POMT2: variants seen among roughly 807,000 people sequenced by gnomAD.
POMT2 encodes protein O-mannosyl-transferase 2.
In POMT2, 75 loss-of-function variants were observed where a neutral mutation model predicts 100.0. The observed-to-expected ratio is 0.75, with a 90% confidence interval of 0.62 to 0.91. POMT2 has a LOEUF of 0.91. POMT2 is among the 40% of genes least tolerant of loss of function. The pLI is 0.00. For missense variants in POMT2, 940 were observed against 955.1 expected (o/e 0.98, Z 0.21); for synonymous variants, 378 against 374.1 (o/e 1.01, Z -0.12).
In POMT2 at chr14:77,320,737, C is replaced by T. The variant is rs567281401; in HGVS notation, c.-56G>A. ...CGGAGGCACACTTTGTCTGACCAGCCGCCCCGCCAAGGAGTCACAAGAGGG... is the reference window on the plus strand; with the variant it reads ...CGGAGGCACACTTTGTCTGACCAGCTGCCCCGCCAAGGAGTCACAAGAGGG... On this transcript the variant is annotated 5_prime_UTR_variant, in exon 1 of 21. Transcript: ENST00000261534. 5,830 of 1,573,688 alleles carry T rather than the reference C, an allele frequency of 3.7e-3. 64 individuals carry two copies. In the African/African-American group the frequency reaches 0.038, roughly 10 times the overall value.
chr14:77,288,066 A>C (rs1297636384), intron 11 of POMT2, among the ~76,000 whole-genome samples: 2 of 152,142 alleles, frequency 1.3e-5, no homozygotes, highest in Non-Finnish European at 2.9e-5. Context: ...TAACTTAATA[A>C]ATTTACCACT....
At chr14:77,279,346 C>T (rs1279668065) in intron 18 of POMT2, 3 of 366,966 alleles carry the variant, frequency 8.2e-6, no homozygotes, top group Non-Finnish European at 1.6e-5. Flanking sequence ...GTCTGGCAGC[C>T]AAAGTTACCA....
Position 77,283,840 on chromosome 14 carries a change from C to G in POMT2, c.1610G>C (p.Ser537Thr). The G allele has an allele frequency of 6.2e-7, 1 of 1,613,402 alleles. No individual in the cohort carries two copies. Among genetic ancestry groups the G allele is most frequent in the Non-Finnish European group, 8.5e-7 (1 of 1,179,316 alleles). ...GGATTCCAGCAAGATCTCAGGAAAA[C>G]TGGGCTGTAGCACATCCAGGCTGAT... is the stretch of plus-strand genomic sequence containing the variant. ...PNISLDVLQP[S>T]FPEILLESHM... The change falls in exon 15 of 21, where the codon AGT (serine) becomes ACT (threonine). Residue 537 changes from serine (S) to threonine (T), a missense_variant. By Grantham distance (58) the Ser-to-Thr change is moderately conservative. Transcript: ENST00000261534.
At chr14:77,304,444 G>A (rs1208852482) in intron 4 of POMT2, among the ~76,000 whole-genome samples, 1 of 152,156 alleles carries the variant, frequency 6.6e-6, no homozygotes, top group Non-Finnish European at 1.5e-5. Flanking sequence ...GAATAACGTG[G>A]AGGTAAATCT....
intron 2 of POMT2, among the ~76,000 whole-genome samples, chr14:77,310,094 T>C (rs1228977158): frequency 1.3e-5 from 2 of 152,130 alleles, no homozygotes; most frequent in East Asian, 3.9e-4. Context: ...CTGGGCTGGG[T>C]TTCCTATGAA....
At chr14:77,304,936 A>G in intron 3 of POMT2, 136 bp from the exon 4 acceptor site, 1 of 1,438,958 alleles carries the variant, frequency 6.9e-7, no homozygotes, top group Non-Finnish European at 9.4e-7. Context: ...CACCTAGGAT[A>G]TCTATAACTA....
At chr14:77,292,517 A>G (rs1890675959) in intron 9 of POMT2, among the ~76,000 whole-genome samples, 1 of 152,228 alleles carries the variant, frequency 6.6e-6, no homozygotes, top group South Asian at 2.1e-4. Context: ...GGGCCGCAAA[A>G]TAAATGCTCC....
At position 77,277,297 on chromosome 14, in the gene POMT2, G is replaced by T; in HGVS notation, c.*79C>A. ...CGGGCTCCTTAGGCAGCTTCCTCAT[G>T]GCCGGATGGTCCAGTACTGCTTCCC... On this transcript the variant is annotated 3_prime_UTR_variant, in exon 21 of 21. Coordinates refer to ENST00000261534, the MANE Select transcript of POMT2 (RefSeq NM_013382.7). 7.9e-7 allele frequency: 1 copy of T among 1,273,134 alleles called. No homozygotes were observed. Among genetic ancestry groups the T allele is most frequent in the Non-Finnish European group, 1.1e-6 (1 of 880,112 alleles). 78.9% of individuals were successfully genotyped at this position (1,273,134 alleles called of 1,614,324 possible). A position where few individuals can be genotyped will look rare whatever the true frequency, so the allele number is the denominator to read the frequency against.
chr14:77,312,170 AT>A, intron 1 of POMT2, 137 bp from the exon 2 acceptor site: 1 of 1,380,308 alleles, frequency 7.2e-7, no homozygotes, highest in African/African-American at 1.5e-5. Context: ...AAAAAAAAAT[AT>A]TTTGACACAA....
chr14:77,317,093 G>A (rs1323733255), intron 1 of POMT2, among the ~76,000 whole-genome samples: 3 of 152,060 alleles, frequency 2.0e-5, no homozygotes, highest in Non-Finnish European at 4.4e-5. Context: ...ACCATCATGG[G>A]CTAGGCACAA....
chr14:77,289,439 T>C (rs1180093024), intron 10 of POMT2, among the ~76,000 whole-genome samples: 1 of 117,322 alleles, frequency 8.5e-6, no homozygotes, highest in Non-Finnish European at 1.6e-5. Flanking sequence ...CAAATGGGTT[T>C]CATACTGTAA....
chr14:77,308,012 C>T (rs1315807908), intron 2 of POMT2, among the ~76,000 whole-genome samples: 1 of 151,962 alleles, frequency 6.6e-6, no homozygotes, highest in Non-Finnish European at 1.5e-5. Context: ...CAGGCATCTG[C>T]CACCACGCCC....
At chr14:77,305,626 G>T (rs1167961344) in intron 3 of POMT2, among the ~76,000 whole-genome samples, 1 of 152,220 alleles carries the variant, frequency 6.6e-6, no homozygotes, top group Non-Finnish European at 1.5e-5. Context: ...TAAATGCTGT[G>T]AAATCCTCAA....
chr14:77,290,771 T>C (rs1286287340), intron 10 of POMT2, among the ~76,000 whole-genome samples: 1 of 152,202 alleles, frequency 6.6e-6, no homozygotes, highest in Non-Finnish European at 1.5e-5. Flanking sequence ...TAGAAGCAGA[T>C]CAGCAGGCAT....
At chr14:77,281,720 G>T (rs1276549371) in intron 15 of POMT2, among the ~76,000 whole-genome samples, 1 of 152,160 alleles carries the variant, frequency 6.6e-6, no homozygotes, top group East Asian at 1.9e-4. Context: ...GGACTGTCCC[G>T]TGCATTGCAG....
chr14:77,312,643 C>T (rs1891480576), intron 1 of POMT2: 1 of 134,412 alleles, frequency 7.4e-6, no homozygotes, highest in Non-Finnish European at 1.6e-5. Flanking sequence ...CAGAGTGAGA[C>T]TCCGTCTCAA....
chr14:77,311,885 G>A (rs1308852055), intron 2 of POMT2, 64 bp downstream of exon 2: 3 of 1,576,662 alleles, frequency 1.9e-6, no homozygotes, highest in Non-Finnish European at 2.6e-6. Context: ...AAATCAAGAT[G>A]TGGCTCCAGC....
intron 1 of POMT2, among the ~76,000 whole-genome samples, chr14:77,317,917 T>C (rs967536211): frequency 1.3e-5 from 2 of 152,200 alleles, no homozygotes; most frequent in African/African-American, 4.8e-5. Flanking sequence ...GATCATTTGG[T>C]TGGGTATAGT....
intron 8 of POMT2, among the ~76,000 whole-genome samples, chr14:77,298,320 G>A (rs1022693884): frequency 6.6e-6 from 1 of 152,216 alleles, no homozygotes; most frequent in South Asian, 2.1e-4. Context: ...GGGTGAGCAC[G>A]CGCTCCACTA....
Sources: gnomAD v4.1 joint callset for allele counts (sites outside exome capture counted in the v4.1 genomes callset) on GRCh38, gnomAD v4.1.1 for gene constraint, MANE v1.5 for transcripts, NCBI Gene and HGNC (gene_info 2026-07-23, HGNC 2026-07-21) for gene names.